SSX3: variants seen among roughly 807,000 people sequenced by gnomAD.
SSX3 encodes the protein SSX family member 3, also known as protein SSX3.
SSX3 carries 6 observed loss-of-function variants against 14.8 expected under a neutral mutation model. That is an observed-to-expected ratio of 0.41 (90% CI 0.22 to 0.80). The LOEUF is 0.80. Ranked by LOEUF, SSX3 falls within the 30% of genes least tolerant of loss-of-function variation. The probability of loss-of-function intolerance (pLI) is 0.34; values close to 1 mark genes in which losing one functional copy is unlikely to be tolerated. For synonymous variants in SSX3, 55 were observed against 52.9 expected, an observed-to-expected ratio of 1.04 and a Z score of -0.18; for missense variants, 163 against 152.2, an observed-to-expected ratio of 1.07 and a Z score of -0.37.
Position 48,347,033 on chromosome X carries a change from A to T in SSX3, c.*7T>A, listed in dbSNP as rs2061242042. The T allele has an allele frequency of 1.7e-6, 2 of 1,196,433 alleles. No individual in the cohort carries two copies. The highest frequency in any genetic ancestry group is 2.2e-5 in the Admixed American group (1 of 45,708). On this transcript the variant is annotated splice_region_variant and 3_prime_UTR_variant, in exon 8 of 8. Coordinates refer to ENST00000298396, the MANE Select transcript of SSX3 (RefSeq NM_021014.4). ...ATCATGGGCATGTGTCATATCCCCA[A>T]GGCTGAGGCAAGAAGAGAGAAGGAA...
Position 48,346,971 on chromosome X carries a change from G to A in SSX3, c.*69C>T. On this transcript the variant is annotated 3_prime_UTR_variant, in exon 8 of 8. Transcript: ENST00000298396. ...CTGATGACGAGGGGTCCACAGCCAT[G>A]CCCATGTTCGTGAAAGGTCACCACG... The A allele has an allele frequency of 8.4e-7, 1 of 1,197,483 alleles. No individual in the cohort carries two copies. Among genetic ancestry groups the A allele is most frequent in the Non-Finnish European group, 1.1e-6 (1 of 894,718 alleles).
Position 48,347,447 on chromosome X carries a change from A to G in SSX3, c.*4+53T>C, listed in dbSNP as rs2061243694. On this transcript the variant is annotated intron_variant, in intron 7 of 7. Coordinates refer to ENST00000298396, the MANE Select transcript of SSX3 (RefSeq NM_021014.4). The stretch of plus-strand genomic sequence containing the variant: ...GTGACAGATGGGATGCCAGTATCAT[A>G]ACAGAATAGCACATCTGCAGGGATG... 5.0e-6 allele frequency: 6 copies of G among 1,204,636 alleles called. No homozygotes were observed. The Admixed American group carries it at 1.3e-4, about 26-fold the overall frequency.
At chrX:48,351,936 C>T in intron 5 of SSX3, 164 bp downstream of exon 5, 1 of 600,933 alleles carries the variant, frequency 1.7e-6, no homozygotes, top group Non-Finnish European at 2.7e-6. Flanking sequence ...TGAACAATCA[C>T]AAATGTTGGT....
intron 5 of SSX3, 26 bp downstream of exon 5, chrX:48,352,074 G>A (rs375162338): frequency 6.5e-5 from 78 of 1,201,336 alleles, no homozygotes; most frequent in Non-Finnish European, 8.0e-5. Flanking sequence ...AGGTTCTCTG[G>A]TCCTTTAGAT....
intron 6 of SSX3, 164 bp downstream of exon 6, chrX:48,349,823 G>A (rs1392756947): frequency 2.9e-5 from 33 of 1,136,813 alleles, no homozygotes; most frequent in Non-Finnish European, 3.8e-5. Flanking sequence ...GACAACTCCA[G>A]TCTGTCTCTG....
At chrX:48,350,775 T>C (rs1162290360) in intron 5 of SSX3, among the ~76,000 whole-genome samples, 1 of 106,529 alleles carries the variant, frequency 9.4e-6, no homozygotes, top group African/African-American at 3.4e-5. Context: ...CTTTTTCTTT[T>C]TTTTTTTTTT....
At chrX:48,348,128 G>A in intron 6 of SSX3, 1 of 351,094 alleles carries the variant, frequency 2.8e-6, no homozygotes, top group Non-Finnish European at 4.9e-6. Context: ...TACACAGTAG[G>A]TGTATATTCT....
intron 1 of SSX3, 28 bp from the exon 2 acceptor site, chrX:48,355,297 C>G: frequency 8.5e-7 from 1 of 1,178,661 alleles, no homozygotes; most frequent in Non-Finnish European, 1.2e-6. Flanking sequence ...TGAGACTTTC[C>G]AGCCGCAGGA....
At chrX:48,349,571 G>GT in intron 6 of SSX3, 3 of 1,210,136 alleles carry the variant, frequency 2.5e-6, no homozygotes, top group Non-Finnish European at 3.4e-6. Context: ...CGAACCTGCA[G>GT]TATCTCTGAA....
chrX:48,356,334 C>T (rs1360134090), intron 1 of SSX3, among the ~76,000 whole-genome samples: 24 of 110,330 alleles, frequency 2.2e-4, no homozygotes, highest in Non-Finnish European at 4.2e-4. Flanking sequence ...CTGCAACCTC[C>T]GCCTCTTGGG....
rs1267131118 is a variant in SSX3, at chrX:48,354,665, T to A, written c.151A>T (p.Met51Leu). Reference sequence around the variant, plus strand: ...GTCATGGCCTCATACTTTCTCTTCATATACACATAGACGATTTTCTCCGAG... The same window carrying A: ...GTCATGGCCTCATACTTTCTCTTCAAATACACATAGACGATTTTCTCCGAG... ...KVSEKIVYVY[M>L]KRKYEAMTKL... The change falls in exon 3 of 8, where the codon ATG becomes TTG. Residue 51 changes from methionine to leucine, a missense_variant. Met to Leu is a conservative substitution (Grantham distance 15, BLOSUM62 2). Transcript: ENST00000298396. 1 of 1,206,712 alleles carries A rather than the reference T, an allele frequency of 8.3e-7. No individual in the cohort carries two copies. The highest frequency in any genetic ancestry group is 1.8e-5 in the African/African-American group (1 of 56,673).
chrX:48,353,416 G>A, intron 4 of SSX3, among the ~76,000 whole-genome samples: 1 of 110,750 alleles, frequency 9.0e-6, no homozygotes, highest in Middle Eastern at 4.6e-3. Flanking sequence ...CTGAGGTCAG[G>A]AAGTTTGAGA....
At chrX:48,355,903 G>A (rs1260719321) in intron 1 of SSX3, among the ~76,000 whole-genome samples, 1 of 112,137 alleles carries the variant, frequency 8.9e-6, no homozygotes, top group African/African-American at 3.2e-5. Context: ...TCAGCCAGGC[G>A]CAGTGGCTCA....
At position 48,346,818 on chromosome X, in the gene SSX3, A is replaced by C. The variant is rs1270274430; in HGVS notation, c.*222T>G. Reference sequence around the variant, plus strand: ...TGTCTTGCTCATCAGTGAAAATGTTAATATCTAACAGAATGACACACTTCA... The same window carrying C: ...TGTCTTGCTCATCAGTGAAAATGTTCATATCTAACAGAATGACACACTTCA... On this transcript the variant is annotated 3_prime_UTR_variant, in exon 8 of 8. Coordinates refer to ENST00000298396, the MANE Select transcript of SSX3 (RefSeq NM_021014.4). 9 of 607,720 alleles carry C rather than the reference A, an allele frequency of 1.5e-5. No homozygotes were observed. Among genetic ancestry groups the C allele is most frequent in the Non-Finnish European group, 2.3e-5 (9 of 390,157 alleles). The allele number at this position is 607,720 out of a possible 1,213,427, so 50.1% of individuals were successfully genotyped here.
chrX:48,347,707 T>C (rs2061244792), intron 6 of SSX3, 103 bp from the exon 7 acceptor site: 1 of 1,169,826 alleles, frequency 8.5e-7, no homozygotes, highest in Non-Finnish European at 1.2e-6. Context: ...CAAGTGCCCA[T>C]GGGCCTTCTT....
rs782251213 is a variant in SSX3, at chrX:48,349,317, C to T, written c.466+670G>A. The T allele has an allele frequency of 2.2e-3, 837 of 381,172 alleles. 4 individuals are homozygous for T. The highest frequency in any genetic ancestry group is 2.7e-3 in the Non-Finnish European group (617 of 225,713). The allele number at this position is 381,172 out of a possible 1,213,427, so 31.4% of individuals were successfully genotyped here. A position where few individuals can be genotyped will look rare whatever the true frequency, so the allele number is the denominator to read the frequency against. ...CAATCTTCAGCAACCACCACCTTGA[C>T]CAGCCAGCAGCCATCAACACCGAGG... On this transcript the variant is annotated intron_variant, in intron 6 of 7. Coordinates refer to ENST00000298396, the MANE Select transcript of SSX3 (RefSeq NM_021014.4).
chrX:48,349,931 C>A, intron 6 of SSX3, 56 bp downstream of exon 6: 1 of 1,207,682 alleles, frequency 8.3e-7, no homozygotes, highest in South Asian at 1.8e-5. Flanking sequence ...CCAGTCCACA[C>A]ACCTGAACGT....
intron 5 of SSX3, among the ~76,000 whole-genome samples, chrX:48,350,834 G>T (rs1601982057): frequency 9.7e-6 from 1 of 103,410 alleles, no homozygotes; most frequent in East Asian, 3.1e-4. Flanking sequence ...GCCGTGGCAT[G>T]ATATCGGCTC....
At chrX:48,350,696 G>A (rs1395544982) in intron 5 of SSX3, among the ~76,000 whole-genome samples, 1 of 110,824 alleles carries the variant, frequency 9.0e-6, no homozygotes, top group Non-Finnish European at 1.9e-5. Flanking sequence ...GTGGAATTCA[G>A]TGAGGTGGTA....
Sources: allele counts gnomAD v4.1 joint callset (sites outside exome capture counted in the v4.1 genomes callset), GRCh38; gene constraint gnomAD v4.1.1; transcripts MANE v1.5; gene names NCBI Gene and HGNC (gene_info 2026-07-23, HGNC 2026-07-21).